Variants in NFIB observed in about 807,000 individuals in gnomAD.
The protein encoded by NFIB is nuclear factor I B, also known as nuclear factor 1 B-type.
A neutral mutation model predicts 61.5 loss-of-function variants in NFIB; 11 were observed. The observed-to-expected ratio is 0.18, with a 90% confidence interval of 0.11 to 0.30. The LOEUF (loss-of-function observed/expected upper bound fraction) is 0.30. Among genes scored for constraint, NFIB ranks in the 10% least tolerant of loss-of-function variants. The probability of loss-of-function intolerance (pLI) is 1.00; values close to 1 mark genes in which losing one functional copy is unlikely to be tolerated. For missense variants in NFIB, 471 were observed against 608.9 expected (o/e 0.77, Z 2.38); for synonymous variants, 260 against 216.5 (o/e 1.20, Z -1.76).
At chr9:14,294,116 C>CATTGTTG (rs2059273238) in intron 2 of NFIB, among the ~76,000 whole-genome samples, 1 of 152,168 alleles carries the variant, frequency 6.6e-6, no homozygotes, top group Non-Finnish European at 1.5e-5. Context: ...TTTGTTAGTA[C>CATTGTTG]TAAGAAGTCA....
chr9:14,444,318 G>T, the NFIB span, among the ~76,000 whole-genome samples: 50,246 of 151,502 alleles, frequency 0.33, 9,296 homozygotes, highest in Admixed American at 0.47. Flanking sequence ...AGAGTATTCA[G>T]AAATTCAACA....
the NFIB span, among the ~76,000 whole-genome samples, chr9:14,519,932 T>C: frequency 2.0e-5 from 3 of 152,234 alleles, no homozygotes; most frequent in Non-Finnish European, 4.4e-5. Flanking sequence ...CTCCAAAAAG[T>C]ATTTTTACAT....
chr9:14,171,933 C>G (rs1465243299), intron 3 of NFIB, among the ~76,000 whole-genome samples: 1 of 152,090 alleles, frequency 6.6e-6, no homozygotes, highest in Non-Finnish European at 1.5e-5. Flanking sequence ...AGACAAAAAT[C>G]TGATTAAGAA....
intron 3 of NFIB, among the ~76,000 whole-genome samples, chr9:14,178,771 T>G (rs1274235382): frequency 6.6e-6 from 1 of 152,170 alleles, no homozygotes; most frequent in African/African-American, 2.4e-5. Flanking sequence ...TTCTGGTATT[T>G]CAGCCTCATA....
the NFIB span, among the ~76,000 whole-genome samples, chr9:14,502,329 G>C: frequency 6.6e-6 from 1 of 152,162 alleles, no homozygotes; most frequent in Non-Finnish European, 1.5e-5. Context: ...TAGACTTCTA[G>C]AACTGTGGAG....
chr9:14,294,101 C>T (rs936053772), intron 2 of NFIB, among the ~76,000 whole-genome samples: 1 of 152,196 alleles, frequency 6.6e-6, no homozygotes, highest in Non-Finnish European at 1.5e-5. Flanking sequence ...GGCCCTAATG[C>T]TGTGTTTGTT....
the NFIB span, among the ~76,000 whole-genome samples, chr9:14,486,505 A>G: frequency 6.6e-6 from 1 of 152,240 alleles, no homozygotes; most frequent in African/African-American, 2.4e-5. Flanking sequence ...AGCAAAATGC[A>G]AACGGAAGTA....
intron 2 of NFIB, among the ~76,000 whole-genome samples, chr9:14,205,374 A>G (rs2049570663): frequency 6.6e-6 from 1 of 150,570 alleles, no homozygotes; most frequent in African/African-American, 2.4e-5. Context: ...ATTTGTTCAT[A>G]GTAGGAATAT....
At chr9:14,289,866 A>T (rs1262591235) in intron 2 of NFIB, among the ~76,000 whole-genome samples, 1 of 152,062 alleles carries the variant, frequency 6.6e-6, no homozygotes, top group African/African-American at 2.4e-5. Flanking sequence ...TATTGGAAAC[A>T]TAAAGGAAAA....
chr9:14,476,208 A>C, the NFIB span, among the ~76,000 whole-genome samples: 1 of 151,780 alleles, frequency 6.6e-6, no homozygotes. Flanking sequence ...CAAATGACAA[A>C]GATAAGGTCG....
the NFIB span, among the ~76,000 whole-genome samples, chr9:14,463,458 T>C: frequency 1.3e-5 from 2 of 151,656 alleles, no homozygotes; most frequent in African/African-American, 4.8e-5. Flanking sequence ...TTAACAAATA[T>C]CCTAGGAAAA....
chr9:14,212,488 G>A (rs1380559854), intron 2 of NFIB, among the ~76,000 whole-genome samples: 1 of 152,104 alleles, frequency 6.6e-6, no homozygotes, highest in East Asian at 1.9e-4. Flanking sequence ...AACAAGGTTA[G>A]AAAACAACTA....
At chr9:14,387,597 A>G (rs1028692307) in intron 1 of NFIB, among the ~76,000 whole-genome samples, 1 of 152,248 alleles carries the variant, frequency 6.6e-6, no homozygotes, top group Non-Finnish European at 1.5e-5. Flanking sequence ...ATATGCCAGT[A>G]AACATATGAA....
At chr9:14,135,817 A>G (rs758505332) in intron 6 of NFIB, among the ~76,000 whole-genome samples, 16 of 152,160 alleles carry the variant, frequency 1.1e-4, no homozygotes, top group Non-Finnish European at 1.6e-4. Context: ...TTTTCAAATG[A>G]GAAAGTATGG....
chr9:14,184,053 T>G (rs970880482), intron 2 of NFIB, among the ~76,000 whole-genome samples: 2 of 151,802 alleles, frequency 1.3e-5, no homozygotes, highest in African/African-American at 2.4e-5. Context: ...CGTCCACTCC[T>G]TTTTTAAAAG....
chr9:14,402,128 T>C (rs1360971771), upstream of NFIB, among the ~76,000 whole-genome samples: 1 of 152,130 alleles, frequency 6.6e-6, no homozygotes, highest in Non-Finnish European at 1.5e-5. Context: ...TGCCAGAGCA[T>C]GAAAGAGACA....
chr9:14,196,715 A>C (rs2048512699), intron 2 of NFIB, among the ~76,000 whole-genome samples: 1 of 151,332 alleles, frequency 6.6e-6, no homozygotes, highest in East Asian at 1.9e-4. Context: ...ACAGAGCCTA[A>C]GTTCATCACT....
the NFIB span, among the ~76,000 whole-genome samples, chr9:14,438,883 G>T: frequency 6.6e-6 from 1 of 152,182 alleles, no homozygotes; most frequent in African/African-American, 2.4e-5. Context: ...GAGGAAGAGG[G>T]ACATGGGGTG....
intron 2 of NFIB, among the ~76,000 whole-genome samples, chr9:14,220,535 G>T (rs921944091): frequency 1.3e-5 from 2 of 152,062 alleles, no homozygotes; most frequent in African/African-American, 4.8e-5. Context: ...CAGGAGCCCC[G>T]CCTGGGAGCC....
Sources: gnomAD v4.1 joint callset for allele counts (sites outside exome capture counted in the v4.1 genomes callset) on GRCh38, gnomAD v4.1.1 for gene constraint, MANE v1.5 for transcripts, NCBI Gene and HGNC (gene_info 2026-07-23, HGNC 2026-07-21) for gene names.